CLVS1: variants seen among roughly 807,000 people sequenced by gnomAD.
The protein encoded by CLVS1 is clavesin-1.
A neutral mutation model predicts 33.1 loss-of-function variants in CLVS1; 10 were observed. The observed-to-expected ratio is 0.30, with a 90% confidence interval of 0.19 to 0.51. The LOEUF (loss-of-function observed/expected upper bound fraction) is 0.51. Ranked by LOEUF, CLVS1 falls within the 20% of genes least tolerant of loss-of-function variation. The pLI is 0.97. For missense variants in CLVS1, 343 were observed against 433.4 expected (o/e 0.79, Z 1.85); for synonymous variants, 163 against 166.1 (o/e 0.98, Z 0.14).
chr8:61,173,547 A>T (rs148637393), intron 2 of CLVS1, among the ~76,000 whole-genome samples: 1,533 of 152,218 alleles, frequency 0.01, 13 homozygotes, highest in Non-Finnish European at 0.015. Context: ...TGGTTCTGTC[A>T]CTGTTATTGT....
chr8:61,269,852 T>C (rs1411768717), intron 2 of CLVS1, among the ~76,000 whole-genome samples: 25 of 150,864 alleles, frequency 1.7e-4, no homozygotes, highest in Middle Eastern at 3.4e-3. Flanking sequence ...GTGATTTTTG[T>C]ACATTGATTT....
chr8:61,455,955 A>G (rs1338596294), intron 4 of CLVS1, among the ~76,000 whole-genome samples: 1 of 152,242 alleles, frequency 6.6e-6, no homozygotes, highest in Non-Finnish European at 1.5e-5. Flanking sequence ...ATTAGAACTC[A>G]CTGGGATCAC....
the CLVS1 span, among the ~76,000 whole-genome samples, chr8:60,994,521 G>A: frequency 6.6e-6 from 1 of 152,208 alleles, no homozygotes; most frequent in Non-Finnish European, 1.5e-5. Flanking sequence ...GGATGAAGCT[G>A]CTACTCTGAC....
At chr8:61,495,424 T>C (rs1432794795) in intron 5 of CLVS1, among the ~76,000 whole-genome samples, 3 of 152,162 alleles carry the variant, frequency 2.0e-5, no homozygotes, top group African/African-American at 7.2e-5. Context: ...AATAAGTGAT[T>C]TTTAAAAAAC....
chr8:61,210,963 G>A (rs1284386670), intron 2 of CLVS1, among the ~76,000 whole-genome samples: 1 of 151,860 alleles, frequency 6.6e-6, no homozygotes, highest in African/African-American at 2.4e-5. Context: ...AAAAAAAAAA[G>A]GAATCTGGAA....
intron 2 of CLVS1, among the ~76,000 whole-genome samples, chr8:61,215,659 G>A (rs1249115033): frequency 6.7e-6 from 1 of 150,068 alleles, no homozygotes; most frequent in African/African-American, 2.4e-5. Context: ...ATTGAACTCG[G>A]AATTATGGCC....
chr8:61,024,993 A>T, the CLVS1 span, among the ~76,000 whole-genome samples: 19 of 151,940 alleles, frequency 1.3e-4, 1 homozygote, highest in South Asian at 2.9e-3. Flanking sequence ...GATTAGAGGT[A>T]TGTGCCACCA....
intron 2 of CLVS1, among the ~76,000 whole-genome samples, chr8:61,148,523 G>A (rs745926537): frequency 6.6e-6 from 1 of 152,210 alleles, no homozygotes; most frequent in Non-Finnish European, 1.5e-5. Flanking sequence ...TTTTGCGGTA[G>A]CATGTGATGG....
At chr8:61,357,166 C>A (rs572759796) in intron 2 of CLVS1, among the ~76,000 whole-genome samples, 1 of 152,114 alleles carries the variant, frequency 6.6e-6, no homozygotes. Flanking sequence ...ATTTTATTCT[C>A]TTTGAAGCAA....
chr8:61,049,865 CTG>C, the CLVS1 span, among the ~76,000 whole-genome samples: 1 of 152,192 alleles, frequency 6.6e-6, no homozygotes, highest in African/African-American at 2.4e-5. Flanking sequence ...GGCGCTGAAA[CTG>C]TGTTTCTATT....
chr8:61,341,982 G>A (rs965077801), intron 2 of CLVS1, among the ~76,000 whole-genome samples: 20 of 152,070 alleles, frequency 1.3e-4, no homozygotes, highest in Admixed American at 5.9e-4. Context: ...TTGGCTTTCC[G>A]ATGGAAAGTA....
chr8:61,383,212 A>T (rs929958497), intron 3 of CLVS1, among the ~76,000 whole-genome samples: 26 of 152,210 alleles, frequency 1.7e-4, no homozygotes, highest in African/African-American at 6.3e-4. Flanking sequence ...TCACCTGCCC[A>T]CGCAGTGACA....
At chr8:61,297,618 G>T (rs1810265076) in intron 1 of CLVS1, among the ~76,000 whole-genome samples, 1 of 152,168 alleles carries the variant, frequency 6.6e-6, no homozygotes, top group Non-Finnish European at 1.5e-5. Flanking sequence ...AGTCAAGTAA[G>T]TGGAGATGTT....
chr8:61,426,241 G>C (rs1815887749), intron 3 of CLVS1, among the ~76,000 whole-genome samples: 1 of 152,150 alleles, frequency 6.6e-6, no homozygotes, highest in African/African-American at 2.4e-5. Context: ...ATATACTCAA[G>C]TCATTATTTT....
At chr8:60,993,615 G>T in the CLVS1 span, among the ~76,000 whole-genome samples, 4 of 152,356 alleles carry the variant, frequency 2.6e-5, no homozygotes, top group African/African-American at 9.6e-5. Context: ...CTGCTTGATA[G>T]TTGGCCCCTC....
intron 3 of CLVS1, among the ~76,000 whole-genome samples, chr8:61,440,943 G>T (rs1816518343): frequency 6.6e-6 from 1 of 152,140 alleles, no homozygotes; most frequent in Non-Finnish European, 1.5e-5. Flanking sequence ...TTGCTCTCTT[G>T]TGTTAATATA....
Position 61,232,023 on chromosome 8 carries a change from G to GTTTGTTTTTTTTTTTTTTT in CLVS1, c.-151-67651_-151-67650insGTTTTTTTTTTTTTTTTTT. 4.3e-4 allele frequency among the ~76,000 whole-genome samples: 27 copies of GTTTGTTTTTTTTTTTTTTT among 62,656 alleles called. 3 individuals carry two copies. The highest frequency in any genetic ancestry group is 1.5e-3 in the South Asian group (3 of 2,028). The allele number at this position is 62,656 out of a possible 152,430, so 41.1% of individuals were successfully genotyped here. On this transcript the variant is annotated intron_variant, in intron 2 of 2. Coordinates refer to the CLVS1 transcript ENST00000522621. ...AGAAGGAGCCCTGAGGAAAGTTGTGGTTTTTTTTTTTTTTTTTTTTTTTTT... is the reference window on the plus strand; with the variant it reads ...AGAAGGAGCCCTGAGGAAAGTTGTGGTTTGTTTTTTTTTTTTTTTTTTTTTTTTTTTTTTTTTTTTTTTT...
intron 2 of CLVS1, among the ~76,000 whole-genome samples, chr8:61,139,580 G>A (rs953439976): frequency 1.3e-5 from 2 of 152,126 alleles, no homozygotes; most frequent in Non-Finnish European, 2.9e-5. Context: ...TAAGGACCCA[G>A]GGCCCGTGCA....
chr8:60,985,073 T>C, the CLVS1 span, among the ~76,000 whole-genome samples: 7 of 152,352 alleles, frequency 4.6e-5, no homozygotes, highest in African/African-American at 1.7e-4. Flanking sequence ...GAAAGCTATT[T>C]TACAGAAGGA....
Sources: gnomAD v4.1 joint callset for allele counts (sites outside exome capture counted in the v4.1 genomes callset) on GRCh38, gnomAD v4.1.1 for gene constraint, MANE v1.5 for transcripts, NCBI Gene and HGNC (gene_info 2026-07-23, HGNC 2026-07-21) for gene names.